The following SGSM1 variants were observed in gnomAD, a reference collection of about 807,000 sequenced individuals.
SGSM1 encodes the protein RUN and TBC1 domain containing 2.
SGSM1 carries 73 observed loss-of-function variants against 133.8 expected under a neutral mutation model. The observed-to-expected ratio is 0.55, with a 90% CI of 0.45 to 0.66. The LOEUF (loss-of-function observed/expected upper bound fraction) is 0.66, where lower values mean the gene tolerates loss of function less well. SGSM1 is among the 30% of genes least tolerant of loss of function. SGSM1 has a pLI of 0.00. For synonymous variants in SGSM1, 563 were observed against 573.0 expected (o/e 0.98, Z 0.25); for missense variants, 1,213 against 1,448.1 (o/e 0.84, Z 2.64).
At chr22:24,855,467 T>C (rs1290933611) in intron 7 of SGSM1, 37 bp downstream of exon 7, 1 of 1,613,164 alleles carries the variant, frequency 6.2e-7, no homozygotes, top group Non-Finnish European at 8.5e-7. Context: ...GGGAGGGACC[T>C]TACATGAGGG....
intron 12 of SGSM1, among the ~76,000 whole-genome samples, chr22:24,875,055 C>T (rs140854567): frequency 3.2e-4 from 48 of 152,254 alleles, no homozygotes; most frequent in African/African-American, 1.1e-3. Context: ...TTGTCAGCTA[C>T]GGAGCTCTGA....
Position 24,868,732 on chromosome 22 carries a change from T to C in SGSM1, c.1168T>C (p.Phe390Leu). The C allele has an allele frequency of 6.2e-7, 1 of 1,613,874 alleles. No homozygotes were observed. The change falls in exon 12 of 25, where the codon TTT becomes CTT. Residue 390 changes from phenylalanine to leucine, a missense_variant. Phe to Leu is a conservative substitution (Grantham distance 22). Coordinates refer to ENST00000400358, the MANE Select transcript of SGSM1 (RefSeq NM_001098497.3). ...LWSQRGKGKVFPKLRKRSPQG... is the reference protein window; with the variant it reads ...LWSQRGKGKVLPKLRKRSPQG... ...GGACATGTTTTTGCAGGGCAAAGTG[T>C]TTCCTAAACTGCGCAAGCGAAGCCC...
rs531848710 is a variant in SGSM1, at chr22:24,919,860, G to A, written c.3060G>A (p.Glu1020=). The change falls in exon 24 of 25, where the codon GAG becomes GAA. Residue 1020 remains glutamate (E), a synonymous_variant. Transcript: ENST00000400358. ...ATGATGACGTCTTCTTGGTCTGGGA[G>A]ACCATCTGGGCAGCCAAACACGTCT... ...LVYDDVFLVW[E]TIWAAKHVSS... The A allele has an allele frequency of 2.9e-5, 47 of 1,614,070 alleles. 1 individual carries two copies. In the South Asian group the frequency reaches 4.9e-4, roughly 17 times the overall value.
intron 19 of SGSM1, among the ~76,000 whole-genome samples, chr22:24,899,918 T>G (rs1020183974): frequency 1.3e-5 from 2 of 152,212 alleles, no homozygotes; most frequent in Admixed American, 1.3e-4. Context: ...TTCCAGAATG[T>G]TTTATTTTCT....
chr22:24,874,344 T>C, intron 12 of SGSM1: 1 of 1,491,350 alleles, frequency 6.7e-7, no homozygotes, highest in Non-Finnish European at 9.0e-7. Flanking sequence ...AACTGGCTCT[T>C]CCAGCTGTCT....
chr22:24,838,140 C>A (rs1345482213), intron 2 of SGSM1, among the ~76,000 whole-genome samples: 2 of 152,126 alleles, frequency 1.3e-5, no homozygotes, highest in Non-Finnish European at 2.9e-5. Flanking sequence ...CAATTTTATT[C>A]TTTTGTATGT....
intron 2 of SGSM1, among the ~76,000 whole-genome samples, chr22:24,814,903 G>A (rs1271203495): frequency 1.3e-5 from 2 of 152,178 alleles, no homozygotes; most frequent in Non-Finnish European, 2.9e-5. Flanking sequence ...GGGCAGCTGG[G>A]TCTTCCCTCT....
At chr22:24,893,309 T>C in intron 16 of SGSM1, 122 bp from the exon 17 acceptor site, 10 of 1,028,478 alleles carry the variant, frequency 9.7e-6, no homozygotes, top group Non-Finnish European at 1.3e-5. Flanking sequence ...TCAGTTAATA[T>C]CTGCTGGATG....
chr22:24,840,412 C>T (rs67427443), intron 2 of SGSM1, among the ~76,000 whole-genome samples: 28,894 of 152,136 alleles, frequency 0.19, 2,903 homozygotes, highest in Non-Finnish European at 0.23. Flanking sequence ...AGTGCGTTCT[C>T]GGCTCACTGC....
At chr22:24,895,416 G>T in intron 18 of SGSM1, 125 bp downstream of exon 18, 1 of 963,386 alleles carries the variant, frequency 1.0e-6, no homozygotes, top group Middle Eastern at 2.2e-4. Flanking sequence ...TTTTATATTA[G>T]CATTAAACAT....
intron 2 of SGSM1, among the ~76,000 whole-genome samples, chr22:24,808,033 T>C (rs951076972): frequency 3.9e-5 from 6 of 152,068 alleles, no homozygotes; most frequent in Non-Finnish European, 4.4e-5. Flanking sequence ...CCCAGAAGTT[T>C]TCAGCTCAGC....
intron 14 of SGSM1, among the ~76,000 whole-genome samples, chr22:24,879,808 A>G (rs1468473075): frequency 6.6e-6 from 1 of 152,156 alleles, no homozygotes; most frequent in Non-Finnish European, 1.5e-5. Flanking sequence ...CCCAGGTGCT[A>G]CAGTGGAGGA....
chr22:24,824,710 G>A (rs1928700981), intron 2 of SGSM1, among the ~76,000 whole-genome samples: 1 of 152,088 alleles, frequency 6.6e-6, no homozygotes, highest in African/African-American at 2.4e-5. Flanking sequence ...GAGACCCAGA[G>A]AGTTAACATA....
intron 17 of SGSM1, 109 bp from the exon 18 acceptor site, chr22:24,895,114 T>G (rs1932883633): frequency 9.5e-7 from 1 of 1,057,414 alleles, no homozygotes; most frequent in Non-Finnish European, 1.4e-6. Flanking sequence ...TTGTGCAAGT[T>G]AGGAATAGAG....
At position 24,898,525 on chromosome 22, in the gene SGSM1, T is replaced by C. The variant is rs1020782511; in HGVS notation, c.2576T>C (p.Val859Ala). The C allele has an allele frequency of 1.5e-5, 24 of 1,611,200 alleles. No individual in the cohort carries two copies. Among genetic ancestry groups the C allele is most frequent in the Non-Finnish European group, 2.0e-5 (23 of 1,178,310 alleles). The change falls in exon 19 of 25, where the codon GTG becomes GCG. Residue 859 changes from valine to alanine, a missense_variant. Val to Ala is a moderately conservative substitution (Grantham distance 64). Transcript: ENST00000400358. ...SLAVTTSANEVSPVSSSGVTY... is the reference protein window; with the variant it reads ...SLAVTTSANEASPVSSSGVTY... ...GCTGTGACTACTTCTGCCAACGAGG[T>C]GTCCCCTGTGTCTTCCAGCGGCGTC...
At chr22:24,854,960 C>T (rs779061543) in intron 5 of SGSM1, 36 bp from the exon 6 acceptor site, 1 of 1,566,946 alleles carries the variant, frequency 6.4e-7, no homozygotes, top group Non-Finnish European at 8.8e-7. Flanking sequence ...CTCTGCTGGT[C>T]TCCATCCAAA....
chr22:24,829,513 T>TAAACTTA (rs1928988884), intron 2 of SGSM1, among the ~76,000 whole-genome samples: 1 of 152,224 alleles, frequency 6.6e-6, no homozygotes, highest in Non-Finnish European at 1.5e-5. Flanking sequence ...CGTGTACCCT[T>TAAACTTA]GAACTTAAAA....
At chr22:24,849,290 A>T (rs950814456) in intron 4 of SGSM1, among the ~76,000 whole-genome samples, 1 of 151,888 alleles carries the variant, frequency 6.6e-6, no homozygotes, top group Non-Finnish European at 1.5e-5. Context: ...GCGGTGGCTC[A>T]TGCCTGTAGT....
chr22:24,812,126 C>T (rs1360937063), intron 2 of SGSM1, among the ~76,000 whole-genome samples: 3 of 148,612 alleles, frequency 2.0e-5, no homozygotes, highest in South Asian at 4.3e-4. Context: ...ACTGAGATGG[C>T]GTCACTGCAC....
Sources: gnomAD v4.1 joint callset for allele counts (sites outside exome capture counted in the v4.1 genomes callset) on GRCh38, gnomAD v4.1.1 for gene constraint, MANE v1.5 for transcripts, NCBI Gene and HGNC (gene_info 2026-07-23, HGNC 2026-07-21) for gene names.